POU6F2: variants seen among roughly 807,000 people sequenced by gnomAD.
The protein encoded by POU6F2 is POU domain, class 6, transcription factor 2.
POU6F2 carries 31 observed loss-of-function variants against 71.3 expected under a neutral mutation model. The ratio of observed to expected loss-of-function variants is 0.43; its 90% confidence interval spans 0.33 to 0.59. The LOEUF (loss-of-function observed/expected upper bound fraction) is 0.59, where lower values mean the gene tolerates loss of function less well. Among genes scored for constraint, POU6F2 ranks in the 20% least tolerant of loss-of-function variants. The probability of loss-of-function intolerance (pLI) is 0.04; values close to 1 mark genes in which losing one functional copy is unlikely to be tolerated. For missense variants in POU6F2, 783 were observed against 856.8 expected (o/e 0.91, Z 1.07); for synonymous variants, 347 against 355.7 (o/e 0.98, Z 0.27).
intron 1 of POU6F2, among the ~76,000 whole-genome samples, chr7:39,028,004 G>A (rs997840077): frequency 1.3e-5 from 2 of 151,924 alleles, no homozygotes; most frequent in African/African-American, 2.4e-5. Context: ...TCCAAGACTT[G>A]GTATAACCCA....
At chr7:39,379,743 A>T (rs1786789149) in intron 5 of POU6F2, among the ~76,000 whole-genome samples, 2 of 152,078 alleles carry the variant, frequency 1.3e-5, no homozygotes, top group African/African-American at 4.8e-5. Context: ...TCGTTTTCCC[A>T]TCCTGCCTTG....
chr7:39,346,219 A>G (rs923386601), intron 5 of POU6F2, among the ~76,000 whole-genome samples: 1 of 152,212 alleles, frequency 6.6e-6, no homozygotes, highest in Admixed American at 6.5e-5. Context: ...AAATTAGTTT[A>G]CCAAGAATCT....
chr7:39,205,382 C>A (rs565964294), intron 3 of POU6F2, among the ~76,000 whole-genome samples: 1 of 152,218 alleles, frequency 6.6e-6, no homozygotes, highest in Admixed American at 6.5e-5. Context: ...CACTCTAATG[C>A]CTTCAGGTTG....
chr7:39,257,582 G>A (rs549779845), intron 4 of POU6F2, among the ~76,000 whole-genome samples: 9 of 152,092 alleles, frequency 5.9e-5, no homozygotes, highest in East Asian at 1.9e-4. Context: ...GCACAAACTC[G>A]TGCTCCATAT....
intron 1 of POU6F2, among the ~76,000 whole-genome samples, chr7:39,021,425 A>G (rs1164508975): frequency 6.6e-6 from 1 of 151,984 alleles, no homozygotes; most frequent in East Asian, 1.9e-4. Flanking sequence ...CCATAACCCC[A>G]GACTAAGATA....
rs796714548 is a variant in POU6F2 at position 39,368,352 on chromosome 7, C to T, written c.972+28337C>T. On this transcript the variant is annotated intron_variant, in intron 5 of 9. Transcript: ENST00000518318. Reference sequence around the variant, plus strand: ...CCTTATGCCAAAGCTTAATCCAAACCAAGGCCCTCTCTTCAATTGTATGAA... The same window carrying T: ...CCTTATGCCAAAGCTTAATCCAAACTAAGGCCCTCTCTTCAATTGTATGAA... Among the ~76,000 whole-genome samples, 9 of 152,124 alleles carry T rather than the reference C, an allele frequency of 5.9e-5. 1 individual carries two copies. Among genetic ancestry groups the T allele is most frequent in the African/African-American group, 1.9e-4 (8 of 41,494 alleles).
intron 2 of POU6F2, among the ~76,000 whole-genome samples, chr7:39,178,688 G>A (rs1284884991): frequency 6.6e-6 from 1 of 152,148 alleles, no homozygotes. Flanking sequence ...TAGTAATCAA[G>A]TTCAGAGACA....
intron 2 of POU6F2, among the ~76,000 whole-genome samples, chr7:39,147,055 A>G (rs1792638702): frequency 6.6e-6 from 1 of 152,236 alleles, no homozygotes; most frequent in Non-Finnish European, 1.5e-5. Context: ...ACACATAGAA[A>G]AAGTCATAGA....
intron 5 of POU6F2, among the ~76,000 whole-genome samples, chr7:39,346,821 A>C (rs1650181981): frequency 6.6e-6 from 1 of 152,194 alleles, no homozygotes; most frequent in African/African-American, 2.4e-5. Context: ...GTTTGGGGTA[A>C]ATTTTCCACT....
chr7:39,201,325 G>A (rs1299086730), intron 2 of POU6F2, among the ~76,000 whole-genome samples: 1 of 151,978 alleles, frequency 6.6e-6, no homozygotes, highest in Non-Finnish European at 1.5e-5. Flanking sequence ...TACACCAAAC[G>A]GCTTTTAATA....
At chr7:39,169,797 T>C (rs1486259691) in intron 2 of POU6F2, among the ~76,000 whole-genome samples, 1 of 152,212 alleles carries the variant, frequency 6.6e-6, no homozygotes, top group East Asian at 1.9e-4. Flanking sequence ...AAAATATTTA[T>C]ACTTTTTATA....
intron 1 of POU6F2, among the ~76,000 whole-genome samples, chr7:38,994,505 G>C (rs2128697440): frequency 6.6e-6 from 1 of 152,236 alleles, no homozygotes; most frequent in Middle Eastern, 3.4e-3. Context: ...TTGAACCCAG[G>C]GCATGGGGGC....
intron 1 of POU6F2, among the ~76,000 whole-genome samples, chr7:38,987,794 AACGTAGGTGGTAATGAAATCTTAT>A (rs1159035861): frequency 6.6e-6 from 1 of 152,154 alleles, no homozygotes; most frequent in African/African-American, 2.4e-5. Flanking sequence ...AGAAGACAGT[AACGTAGGTGGTAATGAAATCTTAT>A]ATTTGAATAA....
rs1788662127 is a variant in POU6F2 at position 39,451,567 on chromosome 7, C to T, written c.1355C>T (p.Ala452Val). The change falls in exon 8 of 10, where the codon GCA (alanine) becomes GTA (valine). Residue 452 changes from alanine (A) to valine (V), a missense_variant. By Grantham distance (64) the Ala-to-Val change is moderately conservative. Coordinates refer to ENST00000518318, the MANE Select transcript of POU6F2 (RefSeq NM_001370959.1). Reference sequence around the variant, plus strand: ...CCCTCCCAGACGTCAGTGGGTCAAGCAGCCTCCCAAGGCAACCTTCTGCAC... The same window carrying T: ...CCCTCCCAGACGTCAGTGGGTCAAGTAGCCTCCCAAGGCAACCTTCTGCAC... ...HQPSQTSVGQ[A>V]ASQGNLLHLA... is the part of the protein sequence containing the mutation. The T allele has an allele frequency of 2.5e-6, 4 of 1,613,746 alleles. No homozygotes were observed. The highest frequency in any genetic ancestry group is 2.5e-6 in the Non-Finnish European group (3 of 1,179,766).
chr7:39,339,650 T>A lies in POU6F2; in HGVS notation c.607T>A (p.Ser203Thr). 1 of 1,591,236 alleles carries A rather than the reference T, an allele frequency of 6.3e-7. No homozygotes were observed. The highest frequency in any genetic ancestry group is 1.1e-5 in the South Asian group (1 of 87,924). ...LPLQNLQATSSLNSQLQQLQL... is the reference protein window; with the variant it reads ...LPLQNLQATSTLNSQLQQLQL... ...GCTTTCTCTCCTTGTAGCTACCTCA[T>A]CCCTGAACTCCCAGCTCCAGCAGCT... is the stretch of plus-strand genomic sequence containing the variant. Residue 203 changes from serine to threonine, a missense_variant, in exon 5 of 10, where the codon TCC becomes ACC. Around this residue, in one of 2 missense-constraint regions of POU6F2, gnomAD observed 572 missense variants for 572.9 expected, o/e 1.00. Coordinates refer to ENST00000518318, the MANE Select transcript of POU6F2 (RefSeq NM_001370959.1).
intron 3 of POU6F2, 141 bp from the exon 4 acceptor site, chr7:39,207,251 T>A: frequency 1.6e-6 from 1 of 623,134 alleles, no homozygotes. Context: ...CTACCAATCA[T>A]TTTTTTTTAA....
intron 1 of POU6F2, among the ~76,000 whole-genome samples, chr7:39,057,336 A>G (rs1425771518): frequency 6.6e-6 from 1 of 152,168 alleles, no homozygotes; most frequent in East Asian, 1.9e-4. Flanking sequence ...TTGAAAAGAA[A>G]AAGTGGTAGA....
At position 39,117,345 on chromosome 7, in the gene POU6F2, C is replaced by T. The variant is rs528524965; in HGVS notation, c.277+31314C>T. 1.5e-4 allele frequency among the ~76,000 whole-genome samples: 23 copies of T among 152,226 alleles called. No homozygotes were observed. The South Asian group carries it at 2.9e-3, about 19-fold the overall frequency. ...CAAACCAGCTCCCATATTGATACTA[C>T]TAGGGGCTAGACAAAACAAATTAAA... On this transcript the variant is annotated intron_variant, in intron 2 of 9. Transcript: ENST00000518318.
chr7:39,142,608 G>T (rs1007221545), intron 2 of POU6F2, among the ~76,000 whole-genome samples: 1 of 152,126 alleles, frequency 6.6e-6, no homozygotes, highest in African/African-American at 2.4e-5. Context: ...ATAAACCTTT[G>T]ATTTTCTTTC....
Sources: gnomAD v4.1 joint callset for allele counts (sites outside exome capture counted in the v4.1 genomes callset) on GRCh38, gnomAD v4.1.1 for gene constraint, gnomAD v4.1.1 regional missense constraint, MANE v1.5 for transcripts, NCBI Gene and HGNC (gene_info 2026-07-23, HGNC 2026-07-21) for gene names.